The following MITF variants were observed in gnomAD, a reference collection of about 807,000 sequenced individuals.
MITF encodes the protein microphthalmia-associated transcription factor.
A neutral mutation model predicts 60.5 loss-of-function variants in MITF; 17 were observed. That is an observed-to-expected ratio of 0.28 (90% confidence interval 0.19 to 0.42). The LOEUF (loss-of-function observed/expected upper bound fraction) is 0.42, where lower values mean the gene tolerates loss of function less well. Ranked by LOEUF, MITF falls within the 10% of genes least tolerant of loss-of-function variation. The pLI is 1.00. For synonymous variants in MITF, 260 were observed against 248.5 expected (o/e 1.05, Z -0.43); for missense variants, 622 against 683.5 (o/e 0.91, Z 1.00).
intron 1 of MITF, among the ~76,000 whole-genome samples, chr3:69,784,038 G>A (rs898385623): frequency 1.3e-5 from 2 of 152,072 alleles, no homozygotes; most frequent in African/African-American, 4.8e-5. Context: ...ATTTTAAGGG[G>A]TATTTTAATG....
chr3:69,742,971 G>A (rs1051529414), intron 1 of MITF, among the ~76,000 whole-genome samples: 18 of 151,874 alleles, frequency 1.2e-4, no homozygotes, highest in African/African-American at 3.9e-4. Flanking sequence ...TGTTTATTAC[G>A]TGTTTCTCCA....
At chr3:69,779,112 C>T (rs976914723) in intron 1 of MITF, 3 of 152,204 alleles carry the variant, frequency 2.0e-5, no homozygotes, top group African/African-American at 7.2e-5. Context: ...AAGATAGTCT[C>T]ACCACCTAAT....
chr3:69,879,390 G>A lies in MITF; in HGVS notation c.354+7G>A, dbSNP rs749185885. On this transcript the variant is annotated splice_region_variant and intron_variant, in intron 2 of 9. Transcript: ENST00000352241. ...GCCGATGGAAGTCCTTAAGGTACGT[G>A]AGTGTTGCTCTTGTTGGTTGGACCA... 2.5e-6 allele frequency: 4 copies of A among 1,614,182 alleles called. No homozygotes were observed. The South Asian group carries it at 4.4e-5, about 18-fold the overall frequency.
chr3:69,915,538 A>T (rs573791622), intron 2 of MITF, among the ~76,000 whole-genome samples: 2 of 151,950 alleles, frequency 1.3e-5, no homozygotes, highest in African/African-American at 4.8e-5. Context: ...AAATATATAT[A>T]TTTATAACCT....
intron 1 of MITF, among the ~76,000 whole-genome samples, chr3:69,789,595 A>G (rs2062706382): frequency 6.6e-6 from 1 of 152,158 alleles, no homozygotes; most frequent in Non-Finnish European, 1.5e-5. Flanking sequence ...AAAATTAAAA[A>G]TAGTAATCCC....
intron 1 of MITF, among the ~76,000 whole-genome samples, chr3:69,856,051 A>C (rs778304704): frequency 1.3e-5 from 2 of 152,176 alleles, no homozygotes; most frequent in African/African-American, 2.4e-5. Context: ...GGCTGGGCTC[A>C]CTTACTGTGA....
chr3:69,936,440 T>A (rs1460673216), intron 2 of MITF: 2 of 464,808 alleles, frequency 4.3e-6, no homozygotes, highest in Non-Finnish European at 7.1e-6. Flanking sequence ...AAAAAAAGCA[T>A]GACGTCAAGC....
At chr3:69,938,371 G>T in intron 3 of MITF, 1 of 1,568,600 alleles carries the variant, frequency 6.4e-7, no homozygotes, top group South Asian at 1.2e-5. Context: ...CAGTGAGAAT[G>T]CAGAGAGAGG....
At chr3:69,885,180 A>G (rs17006578) in intron 2 of MITF, among the ~76,000 whole-genome samples, 7,854 of 152,170 alleles carry the variant, frequency 0.052, 495 homozygotes, top group African/African-American at 0.15. Flanking sequence ...CAGATACGCA[A>G]CATGGCGCTC....
intron 1 of MITF, among the ~76,000 whole-genome samples, chr3:69,784,324 C>T (rs2062614121): frequency 6.6e-6 from 1 of 152,130 alleles, no homozygotes; most frequent in Admixed American, 6.6e-5. Context: ...CAACTTAATA[C>T]TCCTCCTTAC....
chr3:69,893,526 G>T (rs1348714243), intron 2 of MITF, among the ~76,000 whole-genome samples: 2 of 152,080 alleles, frequency 1.3e-5, no homozygotes, highest in African/African-American at 4.8e-5. Context: ...ACGGTGCCAG[G>T]CGCAATACTT....
intron 2 of MITF, chr3:69,936,931 A>G (rs1182273689): frequency 3.6e-6 from 2 of 557,204 alleles, no homozygotes; most frequent in African/African-American, 3.9e-5. Context: ...TGAACAAAGT[A>G]AATATTAGTA....
chr3:69,828,167 G>A (rs1470446780), intron 1 of MITF, among the ~76,000 whole-genome samples: 2 of 152,034 alleles, frequency 1.3e-5, no homozygotes, highest in African/African-American at 2.4e-5. Flanking sequence ...ATGCACATTT[G>A]GATGAACTTT....
intron 2 of MITF, among the ~76,000 whole-genome samples, chr3:69,886,967 T>C (rs149671732): frequency 2.7e-3 from 418 of 152,230 alleles, no homozygotes; most frequent in African/African-American, 9.5e-3. Context: ...TAGATGATTT[T>C]TGAAATAATT....
rs756463784 is a variant in MITF at position 69,959,360 on chromosome 3, A to T, written c.1119A>T (p.Glu373Asp). The T allele has an allele frequency of 6.2e-7, 1 of 1,614,010 alleles. No homozygotes were observed. The highest frequency in any genetic ancestry group is 8.5e-7 in the Non-Finnish European group (1 of 1,179,940). The change falls in exon 9 of 10, where the codon GAA becomes GAT. Residue 373 changes from glutamate to aspartate, a missense_variant. By Grantham distance (45) the Glu-to-Asp change is conservative (BLOSUM62 2). This residue lies in a region of MITF where 224 missense variants were observed against 209.5 expected (regional missense o/e 1.07). Transcript: ENST00000352241. ...AACGAGAACAGCAACGCGCAAAAGA[A>T]CTTGAAAACCGACAGAAGAAACTGG... ...KLQREQQRAK[E>D]LENRQKKLEH...
chr3:69,782,409 G>A (rs1468519565), intron 1 of MITF, among the ~76,000 whole-genome samples: 2 of 152,200 alleles, frequency 1.3e-5, no homozygotes, highest in African/African-American at 4.8e-5. Context: ...TTATGTGCTA[G>A]CGACTCTGCA....
chr3:69,923,408 G>A (rs551003700), intron 2 of MITF, among the ~76,000 whole-genome samples: 9 of 152,212 alleles, frequency 5.9e-5, no homozygotes, highest in South Asian at 2.1e-4. Flanking sequence ...GCATTGATGC[G>A]ATCTTGGCTC....
At chr3:69,811,922 C>G (rs2063107118) in intron 1 of MITF, among the ~76,000 whole-genome samples, 1 of 152,164 alleles carries the variant, frequency 6.6e-6, no homozygotes, top group South Asian at 2.1e-4. Flanking sequence ...TTGTCCCTGG[C>G]CTGGTTCCAG....
At chr3:69,961,559 AAAAAGAAAAG>A (rs1373319236) in intron 9 of MITF, among the ~76,000 whole-genome samples, 17 of 150,122 alleles carry the variant, frequency 1.1e-4, no homozygotes, top group Admixed American at 2.7e-4. Flanking sequence ...ACAAAAAAAA[AAAAAGAAAAG>A]AAAAGAAAAG....
Sources: gnomAD v4.1 joint callset for allele counts (sites outside exome capture counted in the v4.1 genomes callset) on GRCh38, gnomAD v4.1.1 for gene constraint, gnomAD v4.1.1 regional missense constraint, MANE v1.5 for transcripts, NCBI Gene and HGNC (gene_info 2026-07-23, HGNC 2026-07-21) for gene names.